CUBN: variants seen among roughly 807,000 people sequenced by gnomAD.
The protein encoded by CUBN is cubilin, also known as 460 kDa receptor.
Under a neutral mutation model 405.3 loss-of-function variants are expected in CUBN, and 282 were observed. That is an observed-to-expected ratio of 0.70 (90% confidence interval 0.63 to 0.77). The LOEUF is 0.77. Ranked by LOEUF, CUBN falls within the 30% of genes least tolerant of loss-of-function variation. CUBN has a pLI of 0.00. For missense variants in CUBN, 4,514 were observed against 4,475.2 expected, an observed-to-expected ratio of 1.01 and a Z score of -0.25; for synonymous variants, 1,684 against 1,617.0, an observed-to-expected ratio of 1.04 and a Z score of -0.99.
chr10:17,085,978 T>G (rs1836100427), intron 15 of CUBN, among the ~76,000 whole-genome samples: 1 of 151,178 alleles, frequency 6.6e-6, no homozygotes, highest in African/African-American at 2.4e-5. Context: ...TTTTTTTTTT[T>G]TTTTTTGAGA....
chr10:17,119,769 T>G (rs994099621), intron 6 of CUBN, among the ~76,000 whole-genome samples: 20 of 152,352 alleles, frequency 1.3e-4, no homozygotes, highest in African/African-American at 4.6e-4. Context: ...TTGTGTTAGT[T>G]GTCTGAAGCT....
chr10:17,085,679 A>G lies in CUBN; in HGVS notation c.2028T>C (p.Thr676=). 6.2e-7 allele frequency: 1 copy of G among 1,614,102 alleles called. No homozygotes were observed. Among genetic ancestry groups the G allele is most frequent in the Non-Finnish European group, 8.5e-7 (1 of 1,179,954 alleles). ...TTFSVPPLQT[T]GPFARIHFHS... is the part of the protein sequence containing the mutation. ...GGAAGTGAATTCTGGCAAAGGGGCC[A>G]GTAGTCTGGAGCGGTGGGACAGAGA... The change falls in exon 16 of 67, where the codon ACT becomes ACC. Residue 676 remains threonine, a synonymous_variant. Coordinates refer to ENST00000377833, the MANE Select transcript of CUBN (RefSeq NM_001081.4).
intron 26 of CUBN, among the ~76,000 whole-genome samples, 198 bp from the exon 27 acceptor site, chr10:17,041,418 T>C (rs1327690691): frequency 6.6e-6 from 1 of 151,890 alleles, no homozygotes; most frequent in Non-Finnish European, 1.5e-5. Flanking sequence ...ATTTTCATAG[T>C]GAAAGGATTT....
intron 60 of CUBN, among the ~76,000 whole-genome samples, chr10:16,844,251 A>C (rs1204090084): frequency 6.8e-6 from 1 of 146,618 alleles, no homozygotes; most frequent in Non-Finnish European, 1.5e-5. Flanking sequence ...CCTGGGCGAC[A>C]AGAGCGAAAC....
chr10:16,868,301 G>A (rs10508515), intron 59 of CUBN, among the ~76,000 whole-genome samples: 6,327 of 152,226 alleles, frequency 0.042, 197 homozygotes, highest in Non-Finnish European at 0.066. Context: ...AGTACTGCAT[G>A]GAAAAATTCA....
At position 16,877,213 on chromosome 10, in the gene CUBN, T is replaced by C. The variant is rs1840535920; in HGVS notation, c.8906-116A>G. On this transcript the variant is annotated intron_variant, in intron 56 of 66. Transcript: ENST00000377833. ...CATGCAATTGCTATAAAAATTAAAA[T>C]GAGAAACGAGATATTTAACTTAGTT... is the stretch of plus-strand genomic sequence containing the variant. 1.7e-5 allele frequency: 15 copies of C among 896,528 alleles called. No individual in the cohort carries two copies. The East Asian group carries it at 3.9e-4, about 24-fold the overall frequency. The allele number at this position is 896,528 out of a possible 1,614,324, so 55.5% of individuals were successfully genotyped here.
In CUBN at chr10:16,932,958, C is replaced by G; in HGVS notation, c.6124+129G>C. ...TTGTAGCCATTTCTGGTACTGATGC[C>G]TTCCTTGACCATAATATCTGTGTAA... is the stretch of plus-strand genomic sequence containing the variant. On this transcript the variant is annotated intron_variant, in intron 40 of 66. Coordinates refer to ENST00000377833, the MANE Select transcript of CUBN (RefSeq NM_001081.4). 5 of 926,844 alleles carry G rather than the reference C, an allele frequency of 5.4e-6. No homozygotes were observed. The South Asian group carries it at 7.0e-5, about 13-fold the overall frequency. The allele number at this position is 926,844 out of a possible 1,614,324, so 57.4% of individuals were successfully genotyped here.
chr10:16,949,960 C>T (rs1371137203), intron 34 of CUBN, 41 bp downstream of exon 34: 2 of 1,435,392 alleles, frequency 1.4e-6, no homozygotes, highest in African/African-American at 2.8e-5. Context: ...AAATAAAGCA[C>T]AGCCAAGACC....
At chr10:16,862,593 C>T (rs910166026) in intron 59 of CUBN, among the ~76,000 whole-genome samples, 5 of 152,124 alleles carry the variant, frequency 3.3e-5, no homozygotes, top group African/African-American at 7.2e-5. Flanking sequence ...GAGAAGAACA[C>T]GGTCCCACTA....
rs770878354 is a variant in CUBN at position 17,114,127 on chromosome 10, C to T, written c.783G>A (p.Thr261=). 1.4e-5 allele frequency: 22 copies of T among 1,613,532 alleles called. No individual in the cohort carries two copies. Among genetic ancestry groups the T allele is most frequent in the South Asian group, 1.3e-4 (12 of 90,880 alleles). Reference sequence around the variant, plus strand: ...GGAAGCTGCACTCGTCTCTGTCCAGCGTGCAGGCAGGGCTGTTGGGTGAAA... The same window carrying T: ...GGAAGCTGCACTCGTCTCTGTCCAGTGTGCAGGCAGGGCTGTTGGGTGAAA... ...WMFSPNSPAC[T]LDRDECSFQP... Residue 261 remains threonine (T), a synonymous_variant, in exon 8 of 67, where the codon ACG becomes ACA. Transcript: ENST00000377833.
At chr10:16,843,985 A>G (rs1169545471) in intron 60 of CUBN, among the ~76,000 whole-genome samples, 1 of 152,134 alleles carries the variant, frequency 6.6e-6, no homozygotes, top group Non-Finnish European at 1.5e-5. Context: ...GACCTTCCAG[A>G]CCTGCGGGGC....
chr10:16,844,409 G>C (rs540536339), intron 60 of CUBN, among the ~76,000 whole-genome samples: 1 of 152,204 alleles, frequency 6.6e-6, no homozygotes, highest in Admixed American at 6.5e-5. Flanking sequence ...GGCCCTGGAG[G>C]CCAGGGTGAG....
chr10:16,825,444 T>C (rs1260955826), intron 66 of CUBN, among the ~76,000 whole-genome samples: 1 of 152,192 alleles, frequency 6.6e-6, no homozygotes, highest in Non-Finnish European at 1.5e-5. Flanking sequence ...GTATTGAAAT[T>C]GTATCTCAAT....
At chr10:17,101,959 A>G (rs1375818377) in intron 13 of CUBN, among the ~76,000 whole-genome samples, 7 of 152,246 alleles carry the variant, frequency 4.6e-5, no homozygotes, top group African/African-American at 1.7e-4. Context: ...AAGACATTTG[A>G]TAAGAAAACT....
intron 44 of CUBN, among the ~76,000 whole-genome samples, chr10:16,919,366 C>T (rs1201542520): frequency 6.6e-6 from 1 of 152,212 alleles, no homozygotes; most frequent in Non-Finnish European, 1.5e-5. Context: ...CCAAGTTTTG[C>T]ACCACAGCTG....
intron 22 of CUBN, among the ~76,000 whole-genome samples, chr10:17,062,593 A>C (rs1835526541): frequency 6.6e-6 from 1 of 152,222 alleles, no homozygotes; most frequent in South Asian, 2.1e-4. Flanking sequence ...ATCTGGATAA[A>C]GGCAGAAACA....
At chr10:17,050,654 A>T (rs1317183949) in intron 22 of CUBN, among the ~76,000 whole-genome samples, 1 of 152,166 alleles carries the variant, frequency 6.6e-6, no homozygotes, top group East Asian at 1.9e-4. Flanking sequence ...GTTCTCTCCC[A>T]TTCCAGAATG....
Position 16,913,794 on chromosome 10 carries a change from C to G in CUBN, c.7533+17G>C. Reference sequence around the variant, plus strand: ...AAATGATGGAATATAACATCTCAGGCGGCAGGGAACACTTACTATCACATG... The same window carrying G: ...AAATGATGGAATATAACATCTCAGGGGGCAGGGAACACTTACTATCACATG... On this transcript the variant is annotated intron_variant, in intron 48 of 66. Transcript: ENST00000377833. 6.2e-7 allele frequency: 1 copy of G among 1,612,454 alleles called. No individual in the cohort carries two copies. Among genetic ancestry groups the G allele is most frequent in the Non-Finnish European group, 8.5e-7 (1 of 1,179,810 alleles).
At chr10:16,904,938 C>T (rs1322566541) in intron 50 of CUBN, among the ~76,000 whole-genome samples, 1 of 152,210 alleles carries the variant, frequency 6.6e-6, no homozygotes, top group Non-Finnish European at 1.5e-5. Context: ...GACTCTTCAG[C>T]CTCAGAGAGG....
Sources: allele counts gnomAD v4.1 joint callset (sites outside exome capture counted in the v4.1 genomes callset), GRCh38; gene constraint gnomAD v4.1.1; transcripts MANE v1.5; gene names NCBI Gene and HGNC (gene_info 2026-07-23, HGNC 2026-07-21).